The following TLE3 variants were observed in gnomAD, a reference collection of about 807,000 sequenced individuals.
The protein encoded by TLE3 is transducin-like enhancer protein 3.
Under a neutral mutation model 93.0 loss-of-function variants are expected in TLE3, and 14 were observed. The ratio of observed to expected loss-of-function variants is 0.15; its 90% CI spans 0.10 to 0.24. The LOEUF (loss-of-function observed/expected upper bound fraction) is 0.24. Ranked by LOEUF, TLE3 falls within the 10% of genes least tolerant of loss-of-function variation. TLE3 has a pLI of 1.00. For synonymous variants in TLE3, 451 were observed against 425.0 expected, an observed-to-expected ratio of 1.06 and a Z score of -0.75; for missense variants, 693 against 1,046.6, an observed-to-expected ratio of 0.66 and a Z score of 4.66.
intron 4 of TLE3, among the ~76,000 whole-genome samples, chr15:70,088,126 C>T (rs560443051): frequency 3.3e-5 from 5 of 152,346 alleles, no homozygotes; most frequent in South Asian, 2.1e-4. Flanking sequence ...TAAACATTCA[C>T]AGTGACAGCT....
intron 18 of TLE3, among the ~76,000 whole-genome samples, chr15:70,052,006 A>G (rs2055595992): frequency 1.3e-5 from 2 of 152,240 alleles, no homozygotes; most frequent in South Asian, 2.1e-4. Context: ...AAGACTGCAC[A>G]GCTTGTCAGT....
chr15:70,057,371 C>T, intron 13 of TLE3, 88 bp downstream of exon 13: 3 of 1,449,854 alleles, frequency 2.1e-6, no homozygotes, highest in South Asian at 1.4e-5. Context: ...CCTGAGGGGC[C>T]CCTTTAGCAT....
intron 5 of TLE3, among the ~76,000 whole-genome samples, chr15:70,075,569 G>A (rs890125053): frequency 6.6e-6 from 1 of 152,232 alleles, no homozygotes; most frequent in South Asian, 2.1e-4. Context: ...TCAGAGGACA[G>A]AAACAGAGCC....
intron 4 of TLE3, chr15:70,079,264 G>A (rs1435878990): frequency 7.1e-6 from 3 of 422,250 alleles, no homozygotes; most frequent in Non-Finnish European, 1.4e-5. Flanking sequence ...CTGGGGTAGT[G>A]GCATTCAGGC....
intron 6 of TLE3, among the ~76,000 whole-genome samples, chr15:70,072,599 C>T (rs1276293704): frequency 1.3e-5 from 2 of 152,214 alleles, no homozygotes; most frequent in East Asian, 3.9e-4. Flanking sequence ...GAGCCCTGGG[C>T]TGCGAGTCAG....
At chr15:70,094,826 A>G in intron 3 of TLE3, 1 of 501,934 alleles carries the variant, frequency 2.0e-6, no homozygotes, top group South Asian at 2.7e-5. Context: ...TCCCACAAGC[A>G]CCACATGTGC....
chr15:70,062,583 C>T (rs896424888), intron 8 of TLE3, among the ~76,000 whole-genome samples: 1 of 152,162 alleles, frequency 6.6e-6, no homozygotes, highest in African/African-American at 2.4e-5. Context: ...TTTATTGCTT[C>T]GGCTAGGCAA....
Position 70,058,030 on chromosome 15 carries a change from C to A in TLE3, c.1051+129G>T. On this transcript the variant is annotated intron_variant, in intron 12 of 19. Coordinates refer to ENST00000451782, the MANE Select transcript of TLE3 (RefSeq NM_001105192.3). This position sits in a 1 kb window ranked among gnomAD's most constrained non-coding sequence, Gnocchi z 4.1. ...CTCCTCAAATCTGACCGTGAAGTCC[C>A]CAGGGGCAGGCCCTGGGAGACACTG... 7.0e-7 allele frequency: 1 copy of A among 1,435,566 alleles called. No individual in the cohort carries two copies. The allele number at this position is 1,435,566 out of a possible 1,614,324, so 88.9% of individuals were successfully genotyped here. A position where few individuals can be genotyped will look rare whatever the true frequency, so the allele number is the denominator to read the frequency against.
intron 4 of TLE3, among the ~76,000 whole-genome samples, chr15:70,091,598 G>C (rs971414268): frequency 6.6e-6 from 1 of 152,212 alleles, no homozygotes; most frequent in Non-Finnish European, 1.5e-5. Flanking sequence ...TAATTAGGGA[G>C]GGAGGCAGAA....
At chr15:70,065,690 C>T (rs989865967) in intron 7 of TLE3, among the ~76,000 whole-genome samples, 2 of 152,224 alleles carry the variant, frequency 1.3e-5, no homozygotes, top group African/African-American at 4.8e-5. Context: ...CCTAGTCTGA[C>T]CAGGAAGGCA....
chr15:70,079,940 G>A (rs1378516871), intron 4 of TLE3, among the ~76,000 whole-genome samples: 3 of 151,734 alleles, frequency 2.0e-5, no homozygotes, highest in Non-Finnish European at 4.4e-5. Flanking sequence ...AGAGCTTAGA[G>A]AAATATTTTT....
intron 4 of TLE3, among the ~76,000 whole-genome samples, chr15:70,082,692 C>T (rs1249673395): frequency 1.3e-5 from 2 of 152,330 alleles, no homozygotes; most frequent in East Asian, 3.9e-4. Context: ...TCAGCGTGAC[C>T]CTGAGGATCT....
Position 70,061,114 on chromosome 15 carries a change from G to A in TLE3, c.595-465C>T, listed in dbSNP as rs529571088. Among the ~76,000 whole-genome samples, 20 of 152,270 alleles carry A rather than the reference G, an allele frequency of 1.3e-4. No homozygotes were observed. The East Asian group carries it at 2.3e-3, about 18-fold the overall frequency. On this transcript the variant is annotated intron_variant, in intron 8 of 19. Coordinates refer to ENST00000451782, the MANE Select transcript of TLE3 (RefSeq NM_001105192.3). ...GAGCAATACTTCATTTGCTGAGCCC[G>A]ACAGGAATGGGGAGATTGATAGGGA...
At chr15:70,082,999 C>G (rs759412951) in intron 4 of TLE3, among the ~76,000 whole-genome samples, 6 of 152,186 alleles carry the variant, frequency 3.9e-5, no homozygotes, top group Admixed American at 1.3e-4. Flanking sequence ...TAGCATGCAT[C>G]CAGGCAACCC....
Position 70,096,771 on chromosome 15 carries a change from T to C in TLE3, c.24+4A>G. On this transcript the variant is annotated splice_donor_region_variant and intron_variant, in intron 1 of 19. Transcript: ENST00000451782. ...CTTAAATAAACCGAGTTGCAATTAC[T>C]CACCGGATGTCTGCCCTGCGGATAC... 3.1e-6 allele frequency: 5 copies of C among 1,613,362 alleles called. No individual in the cohort carries two copies. The highest frequency in any genetic ancestry group is 4.2e-6 in the Non-Finnish European group (5 of 1,179,720).
intron 8 of TLE3, among the ~76,000 whole-genome samples, chr15:70,060,972 C>T (rs1161940665): frequency 1.3e-5 from 2 of 152,210 alleles, no homozygotes; most frequent in Admixed American, 1.3e-4. Context: ...GCGAGGGTCA[C>T]CTGGGTCTCA....
At chr15:70,095,057 A>G (rs979572673) in intron 3 of TLE3, among the ~76,000 whole-genome samples, 13 of 152,154 alleles carry the variant, frequency 8.5e-5, no homozygotes, top group Non-Finnish European at 7.4e-5. Flanking sequence ...CAGCTGGGGG[A>G]TCCCTGAGGA....
chr15:70,071,154 T>C (rs937002223), intron 6 of TLE3, among the ~76,000 whole-genome samples: 1 of 152,196 alleles, frequency 6.6e-6, no homozygotes, highest in African/African-American at 2.4e-5. Flanking sequence ...AGATGCTGCC[T>C]TCTGCAGGTT....
In TLE3 at chr15:70,097,247, G is replaced by A; in HGVS notation, c.-449C>T. 1 of 401,014 alleles carries A rather than the reference G, an allele frequency of 2.5e-6. No homozygotes were observed. The highest frequency in any genetic ancestry group is 4.4e-6 in the Non-Finnish European group (1 of 228,526). The allele number at this position is 401,014 out of a possible 1,614,324, so 24.8% of individuals were successfully genotyped here. On this transcript the variant is annotated 5_prime_UTR_variant, in exon 1 of 20. Coordinates refer to ENST00000451782, the MANE Select transcript of TLE3 (RefSeq NM_001105192.3). ...GTCGCGCCTGTAGGGGGGCGCGCCGGGGCAGCCCCAAGCATCCGGGGCGCG... is the reference window on the plus strand; with the variant it reads ...GTCGCGCCTGTAGGGGGGCGCGCCGAGGCAGCCCCAAGCATCCGGGGCGCG...
Sources: gnomAD v4.1 joint callset for allele counts (sites outside exome capture counted in the v4.1 genomes callset) on GRCh38, gnomAD v4.1.1 for gene constraint, Gnocchi (gnomAD v3.1) non-coding constraint, MANE v1.5 for transcripts, NCBI Gene and HGNC (gene_info 2026-07-23, HGNC 2026-07-21) for gene names.